ANKRD11: variants seen among roughly 807,000 people sequenced by gnomAD.
ANKRD11 encodes the protein ankyrin repeat domain 11, also known as ankyrin repeat domain-containing protein 11.
Under a neutral mutation model 195.7 loss-of-function variants are expected in ANKRD11, and 17 were observed. That is an observed-to-expected ratio of 0.09 (90% CI 0.06 to 0.13). ANKRD11 has a LOEUF of 0.13. Ranked by LOEUF, ANKRD11 falls within the 10% of genes least tolerant of loss-of-function variation. ANKRD11 has a pLI of 1.00. For synonymous variants in ANKRD11, 1,953 were observed against 1,528.1 expected (o/e 1.28, Z -6.49); for missense variants, 3,735 against 3,566.1 (o/e 1.05, Z -1.21).
intron 2 of ANKRD11, among the ~76,000 whole-genome samples, chr16:89,390,939 T>C (rs562399420): frequency 2.6e-5 from 4 of 152,166 alleles, no homozygotes; most frequent in East Asian, 1.9e-4. Flanking sequence ...CATAAAATTA[T>C]TGCACCAGGC....
intron 1 of ANKRD11, among the ~76,000 whole-genome samples, chr16:89,424,042 G>A (rs1391499109): frequency 6.6e-6 from 1 of 152,026 alleles, no homozygotes; most frequent in Admixed American, 6.6e-5. Context: ...CATAGTACTC[G>A]ACCAGTGAGG....
At chr16:89,319,029 G>A (rs964624588) in intron 2 of ANKRD11, among the ~76,000 whole-genome samples, 2 of 152,250 alleles carry the variant, frequency 1.3e-5, no homozygotes, top group African/African-American at 4.8e-5. Context: ...GCTCATGGCT[G>A]TCTAGAAACT....
At chr16:89,399,123 G>A (rs926771790) in intron 2 of ANKRD11, among the ~76,000 whole-genome samples, 4 of 152,162 alleles carry the variant, frequency 2.6e-5, no homozygotes, top group African/African-American at 9.7e-5. Context: ...AGGTGGCTCC[G>A]AACACGGAGC....
intron 2 of ANKRD11, among the ~76,000 whole-genome samples, chr16:89,390,972 T>C (rs1368980502): frequency 6.6e-6 from 1 of 152,160 alleles, no homozygotes; most frequent in Non-Finnish European, 1.5e-5. Flanking sequence ...CTCACGCCTG[T>C]AATCACAGCA....
intron 2 of ANKRD11, among the ~76,000 whole-genome samples, chr16:89,354,275 G>A (rs1240264125): frequency 1.4e-5 from 2 of 144,210 alleles, no homozygotes; most frequent in African/African-American, 5.1e-5. Flanking sequence ...ACTTCATGTT[G>A]AAACACTGTA....
chr16:89,367,888 C>T (rs1272796529), intron 2 of ANKRD11, among the ~76,000 whole-genome samples: 6 of 152,022 alleles, frequency 3.9e-5, no homozygotes, highest in Non-Finnish European at 7.4e-5. Flanking sequence ...CTTGTGGTAC[C>T]GGCTACTCCA....
chr16:89,374,848 T>G (rs142998880), intron 2 of ANKRD11, among the ~76,000 whole-genome samples: 198 of 152,274 alleles, frequency 1.3e-3, no homozygotes, highest in African/African-American at 4.5e-3. Context: ...TCGATTTGTT[T>G]TCAACAAATA....
chr16:89,400,983 T>C (rs1008332276), intron 2 of ANKRD11, among the ~76,000 whole-genome samples: 5 of 152,166 alleles, frequency 3.3e-5, no homozygotes, highest in African/African-American at 9.7e-5. Flanking sequence ...CTGCCTGGCA[T>C]GGCACCCAAG....
At chr16:89,464,660 T>A (rs1171936620) in intron 1 of ANKRD11, among the ~76,000 whole-genome samples, 2 of 141,824 alleles carry the variant, frequency 1.4e-5, no homozygotes, top group African/African-American at 2.6e-5. Flanking sequence ...AAAGAATAAA[T>A]CTGTAACAGC....
intron 9 of ANKRD11, chr16:89,278,351 G>A (rs1488830028): frequency 2.8e-6 from 1 of 360,976 alleles, no homozygotes; most frequent in Non-Finnish European, 5.5e-6. Context: ...GCGGCCCAGG[G>A]CAGAGAGTGC....
At chr16:89,474,092 T>C (rs573503700) in intron 1 of ANKRD11, among the ~76,000 whole-genome samples, 2 of 152,210 alleles carry the variant, frequency 1.3e-5, no homozygotes, top group South Asian at 4.1e-4. Flanking sequence ...AAACAAAGAC[T>C]TGCGTCCCAC....
At chr16:89,406,415 C>T (rs903480310) in intron 2 of ANKRD11, among the ~76,000 whole-genome samples, 25 of 152,184 alleles carry the variant, frequency 1.6e-4, no homozygotes, top group African/African-American at 3.6e-4. Flanking sequence ...CTGAGACTTG[C>T]GGTCAGTCCT....
intron 1 of ANKRD11, among the ~76,000 whole-genome samples, chr16:89,424,563 T>C (rs912562919): frequency 6.6e-6 from 1 of 151,838 alleles, no homozygotes; most frequent in Non-Finnish European, 1.5e-5. Flanking sequence ...ATAAGCTGAG[T>C]CCACCCACAC....
chr16:89,299,945 G>T, intron 4 of ANKRD11: 1 of 193,978 alleles, frequency 5.2e-6, no homozygotes, highest in Non-Finnish European at 9.6e-6. Context: ...GGTGCATGGG[G>T]TCTGTGCCCT....
chr16:89,308,807 C>T lies in ANKRD11; in HGVS notation c.88-3463G>A, dbSNP rs563035694. ...CGCAGGGGGTGCGCGCCGTGAGAAA[C>T]GGGTGCACACCATGAGAACGGGGAC... On this transcript the variant is annotated intron_variant, in intron 3 of 12. Coordinates refer to ENST00000301030, the MANE Select transcript of ANKRD11 (RefSeq NM_013275.6). Among the ~76,000 whole-genome samples, 4 of 152,074 alleles carry T rather than the reference C, an allele frequency of 2.6e-5. No individual in the cohort carries two copies. In the South Asian group the frequency reaches 8.3e-4, roughly 32 times the overall value.
At chr16:89,269,135 T>A (rs1226099443) in intron 12 of ANKRD11, among the ~76,000 whole-genome samples, 1 of 152,170 alleles carries the variant, frequency 6.6e-6, no homozygotes, top group Non-Finnish European at 1.5e-5. Context: ...AATGGAAGCG[T>A]GGCCAGGGAG....
chr16:89,297,177 C>G (rs1396471619), intron 4 of ANKRD11, among the ~76,000 whole-genome samples: 1 of 152,180 alleles, frequency 6.6e-6, no homozygotes, highest in Non-Finnish European at 1.5e-5. Flanking sequence ...TCATTTAGCA[C>G]CTCTAATTTC....
chr16:89,396,314 G>C (rs576606280), intron 2 of ANKRD11, among the ~76,000 whole-genome samples: 12 of 152,274 alleles, frequency 7.9e-5, no homozygotes, highest in African/African-American at 2.9e-4. Flanking sequence ...ACTGTGTGCT[G>C]ACCTGGGTCA....
intron 2 of ANKRD11, among the ~76,000 whole-genome samples, chr16:89,381,864 G>A (rs988915715): frequency 6.6e-6 from 1 of 152,246 alleles, no homozygotes; most frequent in Non-Finnish European, 1.5e-5. Context: ...ATAACTTACA[G>A]CCTCTGCCAC....
Sources: allele counts gnomAD v4.1 joint callset (sites outside exome capture counted in the v4.1 genomes callset), GRCh38; gene constraint gnomAD v4.1.1; transcripts MANE v1.5; gene names NCBI Gene and HGNC (gene_info 2026-07-23, HGNC 2026-07-21).